ZFYVE27: variants seen among roughly 807,000 people sequenced by gnomAD.
The protein encoded by ZFYVE27 is protrudin.
A neutral mutation model predicts 52.8 loss-of-function variants in ZFYVE27; 36 were observed. That is an observed-to-expected ratio of 0.68 (90% CI 0.52 to 0.90). The LOEUF (loss-of-function observed/expected upper bound fraction) is 0.90. ZFYVE27 is among the 40% of genes least tolerant of loss of function. The probability of loss-of-function intolerance (pLI) is 0.00; values close to 1 mark genes in which losing one functional copy is unlikely to be tolerated. For synonymous variants in ZFYVE27, 223 were observed against 215.6 expected, an observed-to-expected ratio of 1.03 and a Z score of -0.30; for missense variants, 450 against 527.2, an observed-to-expected ratio of 0.85 and a Z score of 1.43.
In ZFYVE27 at chr10:97,744,020, G is replaced by A. The variant is rs146384255; in HGVS notation, c.269-709G>A. 3.5e-3 allele frequency among the ~76,000 whole-genome samples: 532 copies of A among 152,324 alleles called. 1 individual carries two copies. Among genetic ancestry groups the A allele is most frequent in the African/African-American group, 0.012 (508 of 41,566 alleles). ...TTTGTTTCCTCTGGAGATAGGGATT[G>A]AGTAGGTTGAAAATAAATCCAGTTC... On this transcript the variant is annotated intron_variant, in intron 3 of 12. Transcript: ENST00000684270.
At chr10:97,740,508 A>G (rs961904467) in intron 2 of ZFYVE27, among the ~76,000 whole-genome samples, 1 of 152,238 alleles carries the variant, frequency 6.6e-6, no homozygotes, top group Non-Finnish European at 1.5e-5. Flanking sequence ...GCAAAGTACG[A>G]AAGTTAAGTG....
rs2046372155 is a variant in ZFYVE27 at position 97,749,576 on chromosome 10, G to A, written c.654G>A (p.Glu218=). The change falls in exon 6 of 13, where the codon GAG becomes GAA. Residue 218 remains glutamate (E), a synonymous_variant. Transcript: ENST00000684270. ...GCACGCTCTTTCTGGGGAATGTGGA[G>A]TTCTTCCGAGGTAAGCCCTGAAGGG... is the stretch of plus-strand genomic sequence containing the variant. The part of the protein sequence containing the change: ...LNSTLFLGNV[E]FFRVVSEYRA... 5.0e-6 allele frequency: 8 copies of A among 1,614,146 alleles called. No homozygotes were observed. The highest frequency in any genetic ancestry group is 6.8e-6 in the Non-Finnish European group (8 of 1,179,966).
At chr10:97,750,507 G>T in intron 7 of ZFYVE27, 37 bp downstream of exon 7, 1 of 1,612,164 alleles carries the variant, frequency 6.2e-7, no homozygotes, top group East Asian at 2.2e-5. Context: ...TGCTGTGGCC[G>T]CTTGTGGGCC....
intron 2 of ZFYVE27, among the ~76,000 whole-genome samples, chr10:97,742,496 C>T (rs1295787894): frequency 6.6e-6 from 1 of 152,120 alleles, no homozygotes; most frequent in Non-Finnish European, 1.5e-5. Context: ...GAATGCTGCA[C>T]CCTACTTTCA....
rs748573983 is a variant in ZFYVE27, at chr10:97,738,533, C to G, written c.56C>G (p.Pro19Arg). The G allele has an allele frequency of 8.7e-6, 14 of 1,614,034 alleles. No homozygotes were observed. In the African/African-American group the frequency reaches 1.3e-4, roughly 15 times the overall value. The change falls in exon 2 of 13, where the codon CCC becomes CGC. Residue 19 changes from proline (P) to arginine (R), a missense_variant. By Grantham distance (103) the Pro-to-Arg change is moderately radical. Transcript: ENST00000684270. ...SGPELSPSVM[P>R]EAPLESPPFP... ...CCGGAGCTGAGCCCCAGCGTGATGC[C>G]CGAGGCTCCCCTGGAGTCTCCACCT...
Position 97,751,450 on chromosome 10 carries a change from A to G in ZFYVE27, c.864A>G (p.Lys288=), listed in dbSNP as rs765696017. Residue 288 remains lysine (K), a synonymous_variant, in exon 8 of 13, where the codon AAA becomes AAG. Coordinates refer to ENST00000684270, the MANE Select transcript of ZFYVE27 (RefSeq NM_001385875.1). ...AGGCTGAGCCAGATGAAGAGTTTAAAGATGCGATTGAGGTGGGTGGCCCTT... is the reference window on the plus strand; with the variant it reads ...AGGCTGAGCCAGATGAAGAGTTTAAGGATGCGATTGAGGTGGGTGGCCCTT... ...AEEAEPDEEF[K]DAIEETHLVV... is the part of the protein sequence containing the mutation. The G allele has an allele frequency of 6.2e-7, 1 of 1,613,882 alleles. No homozygotes were observed. The highest frequency in any genetic ancestry group is 1.7e-5 in the Admixed American group (1 of 60,010).
chr10:97,749,788 C>T (rs1343231098), intron 6 of ZFYVE27, among the ~76,000 whole-genome samples: 1 of 152,226 alleles, frequency 6.6e-6, no homozygotes, highest in African/African-American at 2.4e-5. Flanking sequence ...AGGCTGCTAC[C>T]ATTGGGCTCC....
chr10:97,743,043 C>A, intron 2 of ZFYVE27, 51 bp from the exon 3 acceptor site: 1 of 1,602,420 alleles, frequency 6.2e-7, no homozygotes, highest in Non-Finnish European at 8.6e-7. Context: ...GTCTCCCCTC[C>A]CCAGCTGGAG....
At chr10:97,756,828 A>G (rs548426044) in intron 10 of ZFYVE27, among the ~76,000 whole-genome samples, 3 of 152,252 alleles carry the variant, frequency 2.0e-5, no homozygotes, top group Admixed American at 1.3e-4. Context: ...GCAGGAGTTT[A>G]GGTTTTTAGG....
rs772131558 is a variant in ZFYVE27 at position 97,738,650 on chromosome 10, G to A, written c.173G>A (p.Gly58Asp). 2 of 1,614,244 alleles carry A rather than the reference G, an allele frequency of 1.2e-6. No individual in the cohort carries two copies. Among genetic ancestry groups the A allele is most frequent in the Admixed American group, 1.7e-5 (1 of 60,022 alleles). ...TACCTGGAACCCTTGAAGGATGCAG[G>A]TGATGGTGTTCGATACTTGCTCAGG... ...EIYLEPLKDA[G>D]DGVRYLLRWQ... The change falls in exon 2 of 13, where the codon GGT (glycine) becomes GAT (aspartate). Residue 58 changes from glycine to aspartate, a missense_variant. Transcript: ENST00000684270.
chr10:97,741,092 G>T (rs146573306), intron 2 of ZFYVE27, among the ~76,000 whole-genome samples: 192 of 152,272 alleles, frequency 1.3e-3, no homozygotes, highest in Admixed American at 1.9e-3. Context: ...TCAGGAGAAA[G>T]ACACAGATGT....
intron 2 of ZFYVE27, among the ~76,000 whole-genome samples, chr10:97,741,501 A>G (rs915115887): frequency 6.6e-6 from 1 of 152,180 alleles, no homozygotes; most frequent in African/African-American, 2.4e-5. Flanking sequence ...ATTCTCGGCA[A>G]ACTAACACAG....
At chr10:97,758,465 A>G (rs1046957327) in intron 12 of ZFYVE27, among the ~76,000 whole-genome samples, 7 of 152,090 alleles carry the variant, frequency 4.6e-5, no homozygotes, top group Middle Eastern at 3.4e-3. Context: ...CTGGGATTAC[A>G]GGCATGCGCC....
chr10:97,752,209 T>G (rs1310830494), intron 8 of ZFYVE27, among the ~76,000 whole-genome samples: 1 of 152,216 alleles, frequency 6.6e-6, no homozygotes, highest in Non-Finnish European at 1.5e-5. Flanking sequence ...GTTTTTGTTT[T>G]TCTTAGAGTA....
intron 2 of ZFYVE27, among the ~76,000 whole-genome samples, chr10:97,739,028 A>C (rs1408032434): frequency 6.6e-6 from 1 of 152,208 alleles, no homozygotes; most frequent in Non-Finnish European, 1.5e-5. Flanking sequence ...AATATTAAAA[A>C]ATTAGGGTAT....
chr10:97,742,852 T>C (rs555395564), intron 2 of ZFYVE27, among the ~76,000 whole-genome samples: 1 of 152,252 alleles, frequency 6.6e-6, no homozygotes, highest in African/African-American at 2.4e-5. Flanking sequence ...TTATAAATTC[T>C]TCTTCCTTTT....
At chr10:97,751,493 C>A in intron 8 of ZFYVE27, 31 bp downstream of exon 8, 1 of 1,609,064 alleles carries the variant, frequency 6.2e-7, no homozygotes, top group Non-Finnish European at 8.5e-7. Flanking sequence ...ATCCTCTACT[C>A]AGCAGGCCAG....
chr10:97,743,002 T>A, intron 2 of ZFYVE27, 92 bp from the exon 3 acceptor site: 1 of 1,380,768 alleles, frequency 7.2e-7, no homozygotes, highest in Non-Finnish European at 1.0e-6. Context: ...AGGCCTCCTC[T>A]TCTGGTTTGA....
intron 4 of ZFYVE27, among the ~76,000 whole-genome samples, chr10:97,745,696 C>T (rs925278668): frequency 1.3e-5 from 2 of 152,174 alleles, no homozygotes; most frequent in African/African-American, 2.4e-5. Flanking sequence ...GTGTCTTGTA[C>T]TGGGGAAGTG....
Sources: allele counts gnomAD v4.1 joint callset (sites outside exome capture counted in the v4.1 genomes callset), GRCh38; gene constraint gnomAD v4.1.1; transcripts MANE v1.5; gene names NCBI Gene and HGNC (gene_info 2026-07-23, HGNC 2026-07-21).